The following TMEM9B variants were observed in gnomAD, a reference collection of about 807,000 sequenced individuals.
The protein encoded by TMEM9B is TMEM9 domain family member B.
A neutral mutation model predicts 23.5 loss-of-function variants in TMEM9B; 8 were observed. The ratio of observed to expected loss-of-function variants is 0.34; its 90% confidence interval spans 0.20 to 0.61. The LOEUF is 0.61. TMEM9B is among the 20% of genes least tolerant of loss of function. The pLI is 0.78. For synonymous variants in TMEM9B, 106 were observed against 96.3 expected (o/e 1.10, Z -0.59); for missense variants, 197 against 252.3 (o/e 0.78, Z 1.49).
intron 3 of TMEM9B, among the ~76,000 whole-genome samples, chr11:8,955,202 C>G (rs1299186460): frequency 1.3e-5 from 2 of 150,434 alleles, no homozygotes; most frequent in African/African-American, 4.9e-5. Context: ...AATAAAGTAA[C>G]TGAACTCATT....
chr11:8,960,964 C>T (rs1854069319), intron 2 of TMEM9B, among the ~76,000 whole-genome samples: 3 of 152,268 alleles, frequency 2.0e-5, no homozygotes, highest in South Asian at 4.1e-4. Flanking sequence ...GGATTACAGG[C>T]GTGAGCCACC....
In TMEM9B at chr11:8,948,451, G is replaced by C; in HGVS notation, c.466C>G (p.His156Asp). The C allele has an allele frequency of 1.2e-6, 2 of 1,614,108 alleles. No individual in the cohort carries two copies. Among genetic ancestry groups the C allele is most frequent in the Non-Finnish European group, 1.7e-6 (2 of 1,179,980 alleles). Residue 156 changes from histidine to aspartate, a missense_variant, in exon 5 of 5, where the codon CAC becomes GAC. Coordinates refer to ENST00000534025, the MANE Select transcript of TMEM9B (RefSeq NM_020644.3). ...CTGCGGGAGCGGGCTAGCACATCGT[G>C]TGCATTTGCAAAAGGCTGGTGATCC... The part of the protein sequence containing the change: ...IGDHQPFANA[H>D]DVLARSRSRA...
intron 4 of TMEM9B, among the ~76,000 whole-genome samples, chr11:8,952,023 T>C (rs2653595): frequency 0.93 from 141,976 of 151,992 alleles, 67,030 homozygotes; most frequent in East Asian, 1. Context: ...GCAGGAGAAT[T>C]GCTTGAACTT....
chr11:8,955,292 G>A (rs770254651), intron 3 of TMEM9B, among the ~76,000 whole-genome samples: 4 of 152,094 alleles, frequency 2.6e-5, no homozygotes, highest in East Asian at 1.9e-4. Flanking sequence ...CACCAGGGAC[G>A]GGACCAGTTT....
chr11:8,955,982 A>G (rs558927775), intron 3 of TMEM9B, among the ~76,000 whole-genome samples: 2 of 152,320 alleles, frequency 1.3e-5, no homozygotes, highest in East Asian at 3.9e-4. Context: ...TATGCTAATT[A>G]CACATAGGGC....
At chr11:8,963,857 T>G in intron 1 of TMEM9B, 1 of 248,988 alleles carries the variant, frequency 4.0e-6, no homozygotes, top group Non-Finnish European at 7.7e-6. Flanking sequence ...GAGCTTAGGG[T>G]GGAAAGTTAA....
intron 4 of TMEM9B, among the ~76,000 whole-genome samples, chr11:8,949,471 A>C (rs972742976): frequency 1.3e-5 from 2 of 152,254 alleles, no homozygotes; most frequent in African/African-American, 4.8e-5. Context: ...GTTCCAACAG[A>C]AGATCCAAGT....
At chr11:8,953,157 A>G (rs376844653) in intron 4 of TMEM9B, 46 bp downstream of exon 4, 24 of 1,613,400 alleles carry the variant, frequency 1.5e-5, no homozygotes, top group Non-Finnish European at 2.0e-5. Context: ...ACATCGAATG[A>G]TGACAGGGAC....
intron 1 of TMEM9B, among the ~76,000 whole-genome samples, chr11:8,963,464 C>G (rs1399090173): frequency 6.6e-6 from 1 of 152,216 alleles, no homozygotes; most frequent in African/African-American, 2.4e-5. Flanking sequence ...GTCTGGAGAG[C>G]TGGGGCACCA....
chr11:8,964,574 C>T (rs1421007882), upstream of TMEM9B: 9 of 968,570 alleles, frequency 9.3e-6, no homozygotes, highest in Non-Finnish European at 1.1e-5. Context: ...GGCCCCGGGA[C>T]GGAAGGGGGC....
At chr11:8,960,186 A>G (rs1350259047) in intron 2 of TMEM9B, among the ~76,000 whole-genome samples, 1 of 127,708 alleles carries the variant, frequency 7.8e-6, no homozygotes, top group African/African-American at 3.0e-5. Context: ...TCTGTCACCC[A>G]GGTTAGAGGG....
Position 8,962,176 on chromosome 11 carries a change from T to C in TMEM9B, c.113A>G (p.Glu38Gly). The C allele has an allele frequency of 1.3e-6, 2 of 1,599,334 alleles. No homozygotes were observed. The highest frequency in any genetic ancestry group is 1.7e-6 in the Non-Finnish European group (2 of 1,174,834). Residue 38 changes from glutamate (E) to glycine (G), a missense_variant, in exon 2 of 5, where the codon GAG (glutamate) becomes GGG (glycine). By Grantham distance (98) the Glu-to-Gly change is moderately conservative (BLOSUM62 -2). Coordinates refer to ENST00000534025, the MANE Select transcript of TMEM9B (RefSeq NM_020644.3). ...AQLSDAAKNF[E>G]DVRCKCICPP... ...GCAGATACATTTACATCTGACATCC[T>C]CGAAATTCTGTAACCAAAATGGAAA...
rs1267813344 is a variant in TMEM9B at position 8,957,086 on chromosome 11, T to C, written c.198-788A>G. ...CCACGTTTAACAGCGTGGTAAATTC[T>C]GAAACTCTGAAAATTGAACCCTCAA... On this transcript the variant is annotated intron_variant, in intron 2 of 4. Coordinates refer to ENST00000534025, the MANE Select transcript of TMEM9B (RefSeq NM_020644.3). This position sits in a 1 kb window ranked among gnomAD's most constrained non-coding sequence, Gnocchi z 4.3. Among the ~76,000 whole-genome samples the C allele has an allele frequency of 1.3e-5, 2 of 152,196 alleles. No individual in the cohort carries two copies. The highest frequency in any genetic ancestry group is 2.1e-4 in the South Asian group (1 of 4,834).
intron 2 of TMEM9B, among the ~76,000 whole-genome samples, chr11:8,959,458 G>A (rs532940552): frequency 1.4e-4 from 21 of 152,174 alleles, no homozygotes; most frequent in Non-Finnish European, 1.9e-4. Context: ...TGCTTCCTAC[G>A]TCAGTTCTTT....
intron 1 of TMEM9B, among the ~76,000 whole-genome samples, chr11:8,962,449 G>A (rs1854097474): frequency 6.6e-6 from 1 of 152,106 alleles, no homozygotes. Flanking sequence ...TGGGTCACAT[G>A]ACAATCAAAT....
At chr11:8,955,160 A>AG (rs1282712812) in intron 3 of TMEM9B, among the ~76,000 whole-genome samples, 11 of 151,742 alleles carry the variant, frequency 7.2e-5, no homozygotes, top group Non-Finnish European at 1.5e-4. Flanking sequence ...CAAAAAAAAA[A>AG]AAAAATTGGA....
chr11:8,959,021 T>C (rs555980497), intron 2 of TMEM9B, among the ~76,000 whole-genome samples: 2 of 152,218 alleles, frequency 1.3e-5, no homozygotes, highest in Non-Finnish European at 2.9e-5. Flanking sequence ...AGACCAGGCA[T>C]GTACCCAACT....
At chr11:8,964,132 G>A in intron 1 of TMEM9B, 77 bp downstream of exon 1, 2 of 1,426,510 alleles carry the variant, frequency 1.4e-6, no homozygotes, top group Non-Finnish European at 1.9e-6. Flanking sequence ...CCAAGGAGCA[G>A]GTTGGCAGAC....
chr11:8,964,750 T>G, upstream of TMEM9B: 1 of 170,736 alleles, frequency 5.9e-6, no homozygotes, highest in Non-Finnish European at 1.2e-5. Flanking sequence ...TGGCGACCCG[T>G]GCGGGCCGGA....
Sources: gnomAD v4.1 joint callset for allele counts (sites outside exome capture counted in the v4.1 genomes callset) on GRCh38, gnomAD v4.1.1 for gene constraint, Gnocchi (gnomAD v3.1) non-coding constraint, MANE v1.5 for transcripts, NCBI Gene and HGNC (gene_info 2026-07-23, HGNC 2026-07-21) for gene names.